The following MRPL1 variants were observed in gnomAD, a reference collection of about 807,000 sequenced individuals.
MRPL1 encodes mitochondrial ribosomal protein L1, also known as large ribosomal subunit protein uL1m.
A neutral mutation model predicts 38.0 loss-of-function variants in MRPL1; 28 were observed. The observed-to-expected ratio is 0.74, with a 90% CI of 0.55 to 1.01. The LOEUF (loss-of-function observed/expected upper bound fraction) is 1.01, where lower values mean the gene tolerates loss of function less well. Among genes scored for constraint, MRPL1 ranks in the 50% least tolerant of loss-of-function variants. The pLI, the probability that MRPL1 is intolerant of heterozygous loss-of-function variation, is 0.00. For missense variants in MRPL1, 358 were observed against 389.8 expected (o/e 0.92, Z 0.69); for synonymous variants, 123 against 126.7 (o/e 0.97, Z 0.20).
chr4:77,875,825 G>A (rs1735377328), intron 2 of MRPL1, among the ~76,000 whole-genome samples: 1 of 152,112 alleles, frequency 6.6e-6, no homozygotes, highest in Non-Finnish European at 1.5e-5. Context: ...AGTGTGAATA[G>A]TGCCTGGATT....
intron 8 of MRPL1, 25 bp from the exon 9 acceptor site, chr4:77,952,464 A>T (rs1737432101): frequency 1.3e-6 from 2 of 1,512,734 alleles, no homozygotes; most frequent in Admixed American, 1.7e-5. Context: ...TAAAAATCAA[A>T]GTTGATTCTC....
intron 7 of MRPL1, among the ~76,000 whole-genome samples, chr4:77,924,437 A>G (rs1267580561): frequency 6.6e-6 from 1 of 152,138 alleles, no homozygotes; most frequent in Non-Finnish European, 1.5e-5. Flanking sequence ...GTTTCTTATG[A>G]CTGGACCCAT....
chr4:77,946,850 G>C (rs1737281872), intron 7 of MRPL1, among the ~76,000 whole-genome samples: 1 of 152,064 alleles, frequency 6.6e-6, no homozygotes, highest in African/African-American at 2.4e-5. Context: ...TTTTAAATCA[G>C]AGAATCTATG....
intron 7 of MRPL1, among the ~76,000 whole-genome samples, chr4:77,940,358 G>T (rs1737089875): frequency 6.6e-6 from 1 of 152,138 alleles, no homozygotes; most frequent in Non-Finnish European, 1.5e-5. Context: ...GTTGCTGTTG[G>T]TGTATAGCAG....
chr4:77,887,497 G>T (rs1174252140), intron 5 of MRPL1, among the ~76,000 whole-genome samples: 1 of 152,164 alleles, frequency 6.6e-6, no homozygotes, highest in Middle Eastern at 3.4e-3. Context: ...GATTTTGTGT[G>T]TTTGTGTTTA....
chr4:77,934,919 C>T (rs564400405), intron 7 of MRPL1, among the ~76,000 whole-genome samples: 2 of 152,086 alleles, frequency 1.3e-5, no homozygotes, highest in African/African-American at 4.8e-5. Context: ...TGAAATAAGC[C>T]GGTCACAAAA....
rs907894711 is a variant in MRPL1 at position 77,909,505 on chromosome 4, A to G, written c.777+133A>G. 1.0e-5 allele frequency: 6 copies of G among 572,906 alleles called. 1 individual carries two copies. In the Admixed American group the frequency reaches 1.1e-4, roughly 10 times the overall value. The allele number at this position is 572,906 out of a possible 1,614,324, so 35.5% of individuals were successfully genotyped here. ...ACTAGCATTAAGAATGGCATTAAAC[A>G]TACGCATAGATACTTTTTTTATTCT... is the stretch of plus-strand genomic sequence containing the variant. On this transcript the variant is annotated intron_variant, in intron 7 of 8. Transcript: ENST00000315567.
At chr4:77,930,159 C>T in intron 7 of MRPL1, among the ~76,000 whole-genome samples, 1 of 152,168 alleles carries the variant, frequency 6.6e-6, no homozygotes, top group East Asian at 1.9e-4. Flanking sequence ...TAAGTGTAGG[C>T]AGAGAGAGCT....
chr4:77,930,351 G>A (rs1736816199), intron 7 of MRPL1, among the ~76,000 whole-genome samples: 1 of 152,194 alleles, frequency 6.6e-6, no homozygotes, highest in African/African-American at 2.4e-5. Context: ...AGCTCCATCT[G>A]TATTTACAGC....
At chr4:77,903,624 G>A (rs1260367624) in intron 6 of MRPL1, among the ~76,000 whole-genome samples, 1 of 152,026 alleles carries the variant, frequency 6.6e-6, no homozygotes, top group Non-Finnish European at 1.5e-5. Flanking sequence ...GAAAATCAGT[G>A]GTATTTCTAT....
At chr4:77,878,676 G>A (rs1329597006) in intron 2 of MRPL1, among the ~76,000 whole-genome samples, 3 of 151,946 alleles carry the variant, frequency 2.0e-5, no homozygotes, top group African/African-American at 7.3e-5. Context: ...TCTGGAGTTC[G>A]AGACCATCCT....
chr4:77,945,851 G>A (rs1737250650), intron 7 of MRPL1, among the ~76,000 whole-genome samples: 2 of 152,044 alleles, frequency 1.3e-5, no homozygotes, highest in Non-Finnish European at 2.9e-5. Flanking sequence ...ATGCTTCTGA[G>A]GCCAATAAAG....
At chr4:77,870,053 G>A (rs747425330) in intron 1 of MRPL1, among the ~76,000 whole-genome samples, 11 of 151,756 alleles carry the variant, frequency 7.2e-5, no homozygotes, top group Non-Finnish European at 1.3e-4. Flanking sequence ...GCTGTGCACC[G>A]TCGCTAATTT....
chr4:77,910,129 A>G (rs956602854), intron 7 of MRPL1, among the ~76,000 whole-genome samples: 1 of 152,164 alleles, frequency 6.6e-6, no homozygotes, highest in Non-Finnish European at 1.5e-5. Context: ...TAGCCATATG[A>G]GAGGTAAAAT....
chr4:77,885,969 G>C (rs1008078857), intron 4 of MRPL1, among the ~76,000 whole-genome samples: 4 of 152,124 alleles, frequency 2.6e-5, no homozygotes, highest in Non-Finnish European at 4.4e-5. Flanking sequence ...TCTCTCCCCA[G>C]ACAACAAGAT....
chr4:77,933,166 G>C (rs1222797500), intron 7 of MRPL1, among the ~76,000 whole-genome samples: 1 of 152,100 alleles, frequency 6.6e-6, no homozygotes, highest in East Asian at 1.9e-4. Flanking sequence ...GGCTGGCCTC[G>C]AACTCCTGTT....
At chr4:77,947,540 C>A (rs549240701) in intron 7 of MRPL1, among the ~76,000 whole-genome samples, 1 of 152,246 alleles carries the variant, frequency 6.6e-6, no homozygotes, top group Non-Finnish European at 1.5e-5. Flanking sequence ...AAGTAGTCAT[C>A]CTGCCTCCGT....
chr4:77,888,399 G>A (rs1465566959), intron 5 of MRPL1, among the ~76,000 whole-genome samples: 1 of 152,100 alleles, frequency 6.6e-6, no homozygotes, highest in Non-Finnish European at 1.5e-5. Context: ...TAGCTACTTG[G>A]GAGGCTGAGG....
intron 2 of MRPL1, among the ~76,000 whole-genome samples, chr4:77,873,824 A>G (rs1463071955): frequency 1.3e-5 from 2 of 152,232 alleles, no homozygotes; most frequent in South Asian, 2.1e-4. Flanking sequence ...AAGATAATTC[A>G]TGGTAAAAGA....
Sources: gnomAD v4.1 joint callset for allele counts (sites outside exome capture counted in the v4.1 genomes callset) on GRCh38, gnomAD v4.1.1 for gene constraint, MANE v1.5 for transcripts, NCBI Gene and HGNC (gene_info 2026-07-23, HGNC 2026-07-21) for gene names.